PHF21B: variants seen among roughly 807,000 people sequenced by gnomAD.
The protein encoded by PHF21B is PHD finger protein 21B, also known as PHD finger protein 4.
In PHF21B, 22 loss-of-function variants were observed where a neutral mutation model predicts 62.2. The ratio of observed to expected loss-of-function variants is 0.35; its 90% CI spans 0.25 to 0.51. PHF21B has a LOEUF of 0.51. Among genes scored for constraint, PHF21B ranks in the 20% least tolerant of loss-of-function variants. The pLI is 0.97. For missense variants in PHF21B, 701 were observed against 707.9 expected (o/e 0.99, Z 0.11); for synonymous variants, 341 against 314.7 (o/e 1.08, Z -0.88).
chr22:44,960,745 G>C (rs147544613), intron 2 of PHF21B, among the ~76,000 whole-genome samples: 72 of 152,308 alleles, frequency 4.7e-4, no homozygotes, highest in Non-Finnish European at 9.1e-4. Flanking sequence ...AGAGCAAACT[G>C]TCTCAGTAAG....
At chr22:44,912,515 A>C (rs1179094863) in intron 5 of PHF21B, among the ~76,000 whole-genome samples, 2 of 151,274 alleles carry the variant, frequency 1.3e-5, no homozygotes, top group African/African-American at 4.9e-5. Context: ...AAAAAACGGG[A>C]GCTTCCCTAC....
chr22:44,952,822 A>G (rs1176637508), intron 2 of PHF21B, among the ~76,000 whole-genome samples: 6 of 152,168 alleles, frequency 3.9e-5, no homozygotes, highest in Non-Finnish European at 8.8e-5. Context: ...AGTGACGTGA[A>G]TGGGGTGCTA....
intron 5 of PHF21B, among the ~76,000 whole-genome samples, chr22:44,912,783 G>C (rs1198091767): frequency 7.0e-6 from 1 of 143,508 alleles, no homozygotes; most frequent in East Asian, 2.2e-4. Flanking sequence ...GGAGGCTGAG[G>C]TGGGAGGATC....
chr22:44,896,880 G>GTTTTTTTGT (rs1555933160), intron 5 of PHF21B, among the ~76,000 whole-genome samples: 11 of 84,046 alleles, frequency 1.3e-4, no homozygotes, highest in Non-Finnish European at 2.2e-4. Flanking sequence ...AGTTTTATCT[G>GTTTTTTTGT]TTTTTTTTTT....
At chr22:44,939,703 G>C (rs574449800) in intron 2 of PHF21B, among the ~76,000 whole-genome samples, 1 of 152,202 alleles carries the variant, frequency 6.6e-6, no homozygotes, top group Non-Finnish European at 1.5e-5. Context: ...GGTGGGAGCA[G>C]GGCTAGGGAG....
chr22:44,916,304 G>C lies in PHF21B; in HGVS notation c.540C>G (p.Pro180=), dbSNP rs748573846. ...SVVSDSIKVQ[P]LLISADNKPP... ...CCTTGTTGTCAGCACTGATGAGGAG[G>C]GGCTGGACTTTGATGCTGTCACTGA... Residue 180 remains proline, a synonymous_variant, in exon 4 of 13, where the codon CCC becomes CCG. Transcript: ENST00000313237. The C allele has an allele frequency of 6.2e-7, 1 of 1,605,272 alleles. No individual in the cohort carries two copies. The highest frequency in any genetic ancestry group is 8.5e-7 in the Non-Finnish European group (1 of 1,178,316).
In PHF21B at chr22:44,925,050, A is replaced by G. The variant is rs370235947; in HGVS notation, c.121-4560T>C. 1.7e-3 allele frequency among the ~76,000 whole-genome samples: 256 copies of G among 152,350 alleles called. 1 individual carries two copies. Among genetic ancestry groups the G allele is most frequent in the Middle Eastern group, 6.8e-3 (2 of 294 alleles). On this transcript the variant is annotated intron_variant, in intron 2 of 12. Transcript: ENST00000313237. Reference sequence around the variant, plus strand: ...CACTGCCAAAAAAACCCAGACTCCAAAAAATATCCATACTGTATGATGCTA... The same window carrying G: ...CACTGCCAAAAAAACCCAGACTCCAGAAAATATCCATACTGTATGATGCTA...
In PHF21B at chr22:44,883,424, G is replaced by A. The variant is rs557282343; in HGVS notation, c.1378-120C>T. The A allele has an allele frequency of 4.4e-6, 4 of 912,566 alleles. No homozygotes were observed. The East Asian group carries it at 8.0e-5, about 18-fold the overall frequency. 56.5% of individuals were successfully genotyped at this position (912,566 alleles called of 1,614,324 possible). ...AAAGGCCTACAAGAAACCAGGCTGAGGGCTTCACAAAAACCAGGCAGTGGT... is the reference window on the plus strand; with the variant it reads ...AAAGGCCTACAAGAAACCAGGCTGAAGGCTTCACAAAAACCAGGCAGTGGT... On this transcript the variant is annotated intron_variant, in intron 12 of 12. Coordinates refer to ENST00000313237, the MANE Select transcript of PHF21B (RefSeq NM_138415.5).
At chr22:44,990,439 A>G (rs1401118450) in intron 2 of PHF21B, among the ~76,000 whole-genome samples, 1 of 152,168 alleles carries the variant, frequency 6.6e-6, no homozygotes, top group Non-Finnish European at 1.5e-5. Flanking sequence ...GAATGGATAA[A>G]CAGCACGGAG....
rs1363868927 is a variant in PHF21B, at chr22:45,009,993, C to T, written c.-444G>A. The T allele has an allele frequency of 1.4e-5, 2 of 146,200 alleles. No homozygotes were observed. The highest frequency in any genetic ancestry group is 4.9e-5 in the African/African-American group (2 of 40,692). 9.1% of individuals were successfully genotyped at this position (146,200 alleles called of 1,614,324 possible). On this transcript the variant is annotated 5_prime_UTR_variant, in exon 1 of 13. Transcript: ENST00000313237. The surrounding 1 kb of genome is among the most constrained non-coding windows in gnomAD (Gnocchi z 5.9). ...GGCAAAGTTGTGCCTCGGCACGATG[C>T]TAATTCGGCAGTGCCCGGATGGAGC...
chr22:44,963,626 C>T (rs1049418494), intron 2 of PHF21B, among the ~76,000 whole-genome samples: 2 of 152,214 alleles, frequency 1.3e-5, no homozygotes, highest in Non-Finnish European at 1.5e-5. Flanking sequence ...AGGCACTCAC[C>T]GCAGACTTTG....
chr22:44,910,628 A>G (rs6006907), intron 5 of PHF21B, among the ~76,000 whole-genome samples: 18,261 of 152,102 alleles, frequency 0.12, 1,340 homozygotes, highest in African/African-American at 0.22. Context: ...TGTAAGATGT[A>G]ACTTGCTCCT....
intron 2 of PHF21B, among the ~76,000 whole-genome samples, chr22:44,952,331 G>C (rs933040176): frequency 5.3e-5 from 8 of 152,176 alleles, no homozygotes; most frequent in Admixed American, 3.3e-4. Context: ...CAACAAGAGC[G>C]AAACTTTGTC....
intron 2 of PHF21B, among the ~76,000 whole-genome samples, chr22:44,970,106 C>A (rs1267218890): frequency 1.3e-5 from 2 of 152,234 alleles, no homozygotes. Flanking sequence ...GGCTGTGCGG[C>A]CAGCCCAAGG....
At chr22:44,885,732 C>T (rs1601561123) in intron 11 of PHF21B, 131 bp downstream of exon 11, 1 of 1,125,956 alleles carries the variant, frequency 8.9e-7, no homozygotes, top group Non-Finnish European at 1.3e-6. Context: ...TCCCAGGATC[C>T]CACTTTTCAG....
chr22:45,007,969 C>T (rs1271597455), intron 2 of PHF21B, among the ~76,000 whole-genome samples: 1 of 151,724 alleles, frequency 6.6e-6, no homozygotes, highest in Non-Finnish European at 1.5e-5. Flanking sequence ...CCCAACTACA[C>T]CTAACGCCCG....
intron 2 of PHF21B, among the ~76,000 whole-genome samples, chr22:44,986,048 CACT>C (rs1211533634): frequency 1.5e-4 from 23 of 152,082 alleles, no homozygotes; most frequent in Admixed American, 2.0e-4. Context: ...GCACCACCAC[CACT>C]ACCATCACAA....
chr22:44,954,492 C>T (rs1362253481), intron 2 of PHF21B, among the ~76,000 whole-genome samples: 1 of 152,234 alleles, frequency 6.6e-6, no homozygotes, highest in African/African-American at 2.4e-5. Context: ...CCAGCTGCTC[C>T]ACCCTAGCAG....
intron 5 of PHF21B, chr22:44,901,950 T>C (rs1601581976): frequency 9.3e-6 from 2 of 214,100 alleles, no homozygotes; most frequent in Admixed American, 4.9e-5. Flanking sequence ...TTGGAAGCTA[T>C]TGAGCCATGG....
Sources: allele counts gnomAD v4.1 joint callset (sites outside exome capture counted in the v4.1 genomes callset), GRCh38; gene constraint gnomAD v4.1.1; non-coding constraint Gnocchi (gnomAD v3.1); transcripts MANE v1.5; gene names NCBI Gene and HGNC (gene_info 2026-07-23, HGNC 2026-07-21).